MPRIP: variants seen among roughly 807,000 people sequenced by gnomAD.
MPRIP encodes the protein myosin phosphatase Rho interacting protein.
A neutral mutation model predicts 234.9 loss-of-function variants in MPRIP; 59 were observed. The ratio of observed to expected loss-of-function variants is 0.25; its 90% CI spans 0.20 to 0.31. The LOEUF (loss-of-function observed/expected upper bound fraction) is 0.31. Ranked by LOEUF, MPRIP falls within the 10% of genes least tolerant of loss-of-function variation. The pLI is 1.00. For missense variants in MPRIP, 2,436 were observed against 3,071.0 expected, an observed-to-expected ratio of 0.79 and a Z score of 4.89; for synonymous variants, 1,144 against 1,263.9, an observed-to-expected ratio of 0.91 and a Z score of 2.01.
At position 17,171,872 on chromosome 17, in the gene MPRIP, G is replaced by T. The variant is rs774740716; in HGVS notation, c.6472+7G>T. The stretch of plus-strand genomic sequence containing the variant: ...ACAGCGGCCACCATCTCAGGTTGGG[G>T]GGTGGGGTAACCCTGAGGGCAGGGT... On this transcript the variant is annotated splice_region_variant and intron_variant, in intron 17 of 23. Coordinates refer to ENST00000651222, the MANE Select transcript of MPRIP (RefSeq NM_001364716.4). 1.2e-6 allele frequency: 2 copies of T among 1,612,054 alleles called. No individual in the cohort carries two copies. Among genetic ancestry groups the T allele is most frequent in the Non-Finnish European group, 1.7e-6 (2 of 1,179,548 alleles).
chr17:17,046,568 C>T (rs571997473), intron 1 of MPRIP, among the ~76,000 whole-genome samples: 3 of 152,234 alleles, frequency 2.0e-5, no homozygotes, highest in Non-Finnish European at 2.9e-5. Context: ...TTCCTAATTA[C>T]TCATGAAGTT....
intron 13 of MPRIP, among the ~76,000 whole-genome samples, chr17:17,156,811 G>A (rs1327800702): frequency 6.6e-6 from 1 of 152,256 alleles, no homozygotes; most frequent in African/African-American, 2.4e-5. Flanking sequence ...TCATCCAGAT[G>A]TTAGCGTGCT....
At chr17:17,140,138 G>A (rs1303051747) in intron 7 of MPRIP, among the ~76,000 whole-genome samples, 13 of 152,202 alleles carry the variant, frequency 8.5e-5, no homozygotes, top group Admixed American at 8.5e-4. Context: ...GGGTGGGCAG[G>A]GGAGGCTTCA....
intron 13 of MPRIP, among the ~76,000 whole-genome samples, chr17:17,154,803 C>T (rs2045691200): frequency 6.6e-6 from 1 of 152,200 alleles, no homozygotes; most frequent in Non-Finnish European, 1.5e-5. Flanking sequence ...CATAGGCCAC[C>T]CAGTGCTTCT....
chr17:17,158,587 A>T lies in MPRIP; in HGVS notation c.1985A>T (p.Asp662Val). ...RRREGRSKTF[D>V]WAEFRPIQQA... ...CGAGAGGGCCGCTCCAAGACCTTTG[A>T]CTGGGCTGAGTTCCGTCCCATCCAG... Residue 662 changes from aspartate (D) to valine (V), a missense_variant, in exon 14 of 24, where the codon GAC (aspartate) becomes GTC (valine). Physicochemically the swap from Asp to Val is radical, Grantham distance 152. Coordinates refer to ENST00000651222, the MANE Select transcript of MPRIP (RefSeq NM_001364716.4). 2.5e-6 allele frequency: 4 copies of T among 1,609,216 alleles called. No homozygotes were observed. The highest frequency in any genetic ancestry group is 3.4e-6 in the Non-Finnish European group (4 of 1,178,850).
chr17:17,053,965 T>C (rs946533754), intron 1 of MPRIP, among the ~76,000 whole-genome samples: 4 of 152,214 alleles, frequency 2.6e-5, no homozygotes, highest in African/African-American at 7.2e-5. Context: ...ACTGTAAGCA[T>C]AACAACACAC....
chr17:17,143,466 G>A lies in MPRIP; in HGVS notation c.1390-90G>A, dbSNP rs114137061. The A allele has an allele frequency of 8.6e-3, 6,698 of 779,446 alleles. 175 individuals are homozygous for A. Among genetic ancestry groups the A allele is most frequent in the African/African-American group, 0.068 (3,697 of 54,526 alleles). The allele number at this position is 779,446 out of a possible 1,614,324, so 48.3% of individuals were successfully genotyped here. On this transcript the variant is annotated intron_variant, in intron 8 of 23. Transcript: ENST00000651222. ...CCCTCGCCAGGAGCAAGGCCCTGGC[G>A]GCTCTTGGAGGGGTGGACAGCACCA...
At chr17:17,046,398 G>A (rs1032439283) in intron 1 of MPRIP, among the ~76,000 whole-genome samples, 3 of 152,296 alleles carry the variant, frequency 2.0e-5, no homozygotes, top group African/African-American at 7.2e-5. Flanking sequence ...ATGAATGCAA[G>A]TATTTCTCTG....
intron 4 of MPRIP, among the ~76,000 whole-genome samples, chr17:17,130,716 G>C (rs1453666658): frequency 2.0e-5 from 3 of 152,036 alleles, no homozygotes; most frequent in South Asian, 4.1e-4. Context: ...GCACAACCAG[G>C]CCCAGGGCTG....
intron 3 of MPRIP, among the ~76,000 whole-genome samples, chr17:17,093,121 G>A (rs1472539046): frequency 6.6e-6 from 1 of 152,184 alleles, no homozygotes; most frequent in East Asian, 1.9e-4. Flanking sequence ...TATATTGTTA[G>A]CCTTTTCCTG....
intron 1 of MPRIP, among the ~76,000 whole-genome samples, chr17:17,047,202 A>C (rs923813824): frequency 1.3e-5 from 2 of 152,120 alleles, no homozygotes; most frequent in African/African-American, 4.8e-5. Context: ...AATAATAATA[A>C]ATTTAAAAAA....
intron 3 of MPRIP, among the ~76,000 whole-genome samples, chr17:17,090,342 A>G (rs1960142397): frequency 1.3e-5 from 2 of 152,148 alleles, no homozygotes; most frequent in South Asian, 4.1e-4. Context: ...GTCCTCATGT[A>G]GCTAATGCTT....
At chr17:17,122,634 TG>T (rs2090414497) in intron 3 of MPRIP, among the ~76,000 whole-genome samples, 1 of 152,232 alleles carries the variant, frequency 6.6e-6, no homozygotes, top group East Asian at 1.9e-4. Context: ...ATTACAGGCA[TG>T]AGCCACTGCG....
intron 13 of MPRIP, among the ~76,000 whole-genome samples, 182 bp downstream of exon 13, chr17:17,154,597 T>A (rs1204215148): frequency 6.6e-6 from 1 of 152,220 alleles, no homozygotes; most frequent in Non-Finnish European, 1.5e-5. Context: ...AGAACAAACA[T>A]TTCTGGTTCT....
chr17:17,121,896 A>G (rs1217979198), intron 3 of MPRIP, among the ~76,000 whole-genome samples: 1 of 152,116 alleles, frequency 6.6e-6, no homozygotes, highest in African/African-American at 2.4e-5. Context: ...CCCACTTACA[A>G]GTGAGAGCAT....
chr17:17,153,162 G>C (rs996043250), intron 12 of MPRIP, among the ~76,000 whole-genome samples: 1 of 152,226 alleles, frequency 6.6e-6, no homozygotes, highest in African/African-American at 2.4e-5. Flanking sequence ...GAGCTGGGCA[G>C]TGGTGGTGTC....
intron 1 of MPRIP, among the ~76,000 whole-genome samples, chr17:17,073,444 C>A (rs918941053): frequency 5.9e-5 from 9 of 152,200 alleles, no homozygotes; most frequent in Non-Finnish European, 1.0e-4. Flanking sequence ...CTTGGCTCCC[C>A]ACAGTTCCTC....
chr17:17,055,148 C>A (rs535217064), intron 1 of MPRIP, among the ~76,000 whole-genome samples: 1 of 152,196 alleles, frequency 6.6e-6, no homozygotes, highest in East Asian at 1.9e-4. Context: ...CTTCTGTGCC[C>A]CTGTCAAGCC....
intron 3 of MPRIP, among the ~76,000 whole-genome samples, chr17:17,090,324 C>T (rs561741026): frequency 1.3e-5 from 2 of 152,340 alleles, no homozygotes; most frequent in South Asian, 2.1e-4. Context: ...GGCCCCAACC[C>T]GTCCCCTGTC....
Sources: allele counts gnomAD v4.1 joint callset (sites outside exome capture counted in the v4.1 genomes callset), GRCh38; gene constraint gnomAD v4.1.1; transcripts MANE v1.5; gene names NCBI Gene and HGNC (gene_info 2026-07-23, HGNC 2026-07-21).